Variants in ADARB2 observed in about 807,000 individuals in gnomAD.
ADARB2 encodes the protein adenosine deaminase RNA specific B2 (inactive).
In ADARB2, 25 loss-of-function variants were observed where a neutral mutation model predicts 62.2. The ratio of observed to expected loss-of-function variants is 0.40; its 90% CI spans 0.29 to 0.56. ADARB2 has a LOEUF of 0.56. ADARB2 is among the 20% of genes least tolerant of loss of function. ADARB2 has a pLI of 0.43. For missense variants in ADARB2, 1,071 were observed against 1,077.4 expected (o/e 0.99, Z 0.08); for synonymous variants, 572 against 500.8 (o/e 1.14, Z -1.90).
chr10:1,230,447 C>T (rs936027282), intron 6 of ADARB2, among the ~76,000 whole-genome samples: 1 of 152,202 alleles, frequency 6.6e-6, no homozygotes, highest in Non-Finnish European at 1.5e-5. Context: ...ACAGCAAAAG[C>T]CTGGCCACTG....
At chr10:1,493,825 C>A (rs1056139360) in intron 1 of ADARB2, among the ~76,000 whole-genome samples, 19 of 138,152 alleles carry the variant, frequency 1.4e-4, no homozygotes, top group African/African-American at 5.1e-4. Context: ...ATGGCACGAT[C>A]TCAGCTCACT....
At chr10:1,420,363 C>T (rs1322397344) in intron 1 of ADARB2, among the ~76,000 whole-genome samples, 1 of 152,172 alleles carries the variant, frequency 6.6e-6, no homozygotes, top group East Asian at 1.9e-4. Context: ...CAGGCCAGCG[C>T]AGCCACGGAA....
At chr10:1,639,959 G>A (rs1833961075) in intron 1 of ADARB2, among the ~76,000 whole-genome samples, 1 of 152,194 alleles carries the variant, frequency 6.6e-6, no homozygotes, top group Non-Finnish European at 1.5e-5. Context: ...AGGCACAGTG[G>A]TTCTTTGTGG....
intron 3 of ADARB2, among the ~76,000 whole-genome samples, chr10:1,342,411 A>G (rs1832038235): frequency 1.3e-5 from 2 of 152,156 alleles, no homozygotes; most frequent in Non-Finnish European, 2.9e-5. Flanking sequence ...CTCACATTAA[A>G]CATTACAGCA....
intron 1 of ADARB2, among the ~76,000 whole-genome samples, chr10:1,519,609 C>T (rs1017183213): frequency 5.3e-5 from 8 of 152,114 alleles, no homozygotes; most frequent in African/African-American, 1.9e-4. Context: ...GTGTGGTGCT[C>T]TCTGTCAGCC....
At chr10:1,564,232 C>T (rs1288535938) in intron 1 of ADARB2, among the ~76,000 whole-genome samples, 3 of 152,170 alleles carry the variant, frequency 2.0e-5, no homozygotes, top group Non-Finnish European at 4.4e-5. Flanking sequence ...GTTGAACTAG[C>T]TTACAGTCCC....
chr10:1,490,811 G>A (rs927270803), intron 1 of ADARB2, among the ~76,000 whole-genome samples: 1 of 152,132 alleles, frequency 6.6e-6, no homozygotes, highest in Non-Finnish European at 1.5e-5. Flanking sequence ...ATATACACAT[G>A]AAAGTAAGAA....
At chr10:1,204,211 C>T (rs1255927734) in intron 7 of ADARB2, among the ~76,000 whole-genome samples, 1 of 152,148 alleles carries the variant, frequency 6.6e-6, no homozygotes, top group Non-Finnish European at 1.5e-5. Context: ...GGCCCCACCC[C>T]ATTTCCAGGC....
intron 1 of ADARB2, among the ~76,000 whole-genome samples, chr10:1,434,070 A>G (rs1282874188): frequency 6.6e-6 from 1 of 152,232 alleles, no homozygotes; most frequent in Non-Finnish European, 1.5e-5. Context: ...GAAAACAACT[A>G]TATTTTCAAG....
intron 1 of ADARB2, among the ~76,000 whole-genome samples, chr10:1,470,292 C>T (rs532550148): frequency 1.3e-5 from 2 of 152,320 alleles, no homozygotes; most frequent in East Asian, 3.9e-4. Context: ...TGTACTTTAT[C>T]AAAATGTGTA....
intron 1 of ADARB2, among the ~76,000 whole-genome samples, chr10:1,461,205 T>C (rs1314807610): frequency 2.6e-5 from 4 of 152,222 alleles, no homozygotes; most frequent in Non-Finnish European, 5.9e-5. Context: ...AATGACATCA[T>C]GACAAACGCC....
At chr10:1,598,356 C>T (rs1314874016) in intron 1 of ADARB2, among the ~76,000 whole-genome samples, 1 of 152,150 alleles carries the variant, frequency 6.6e-6, no homozygotes, top group Non-Finnish European at 1.5e-5. Context: ...GTGCACTAAA[C>T]CCAGACTCCA....
intron 1 of ADARB2, among the ~76,000 whole-genome samples, chr10:1,479,062 C>T (rs1287904603): frequency 1.3e-5 from 2 of 152,198 alleles, no homozygotes; most frequent in Non-Finnish European, 2.9e-5. Context: ...CTGCAGCTGT[C>T]TTGGGCAGGG....
At chr10:1,399,717 T>A (rs1378539755) in intron 1 of ADARB2, among the ~76,000 whole-genome samples, 2 of 152,172 alleles carry the variant, frequency 1.3e-5, no homozygotes, top group African/African-American at 4.8e-5. Context: ...ATTTGAAGGA[T>A]GTACCAGCTT....
intron 9 of ADARB2, among the ~76,000 whole-genome samples, chr10:1,184,048 G>A (rs552443073): frequency 5.3e-5 from 8 of 152,324 alleles, no homozygotes; most frequent in South Asian, 2.1e-4. Context: ...GCCCTTGAGC[G>A]GACAGGACAG....
chr10:1,249,046 CAGTT>C (rs1831012762), intron 4 of ADARB2, among the ~76,000 whole-genome samples: 1 of 152,202 alleles, frequency 6.6e-6, no homozygotes, highest in South Asian at 2.1e-4. Flanking sequence ...AGAGGACCCT[CAGTT>C]AGACAAAATA....
intron 3 of ADARB2, among the ~76,000 whole-genome samples, chr10:1,330,757 A>T (rs1326723000): frequency 2.6e-5 from 4 of 152,370 alleles, no homozygotes; most frequent in Non-Finnish European, 5.9e-5. Context: ...ATTGGGCTTC[A>T]TCAGAATAAA....
chr10:1,620,979 A>G (rs2049437307), intron 1 of ADARB2, among the ~76,000 whole-genome samples: 1 of 152,228 alleles, frequency 6.6e-6, no homozygotes, highest in Non-Finnish European at 1.5e-5. Flanking sequence ...AAGGGCATAT[A>G]TGAATCACTC....
intron 1 of ADARB2, among the ~76,000 whole-genome samples, chr10:1,680,236 A>G (rs1834519457): frequency 6.6e-6 from 1 of 151,998 alleles, no homozygotes; most frequent in African/African-American, 2.4e-5. Context: ...TTCCTGTGTA[A>G]TCCACCACTC....
Sources: allele counts gnomAD v4.1 joint callset (sites outside exome capture counted in the v4.1 genomes callset), GRCh38; gene constraint gnomAD v4.1.1; transcripts MANE v1.5; gene names NCBI Gene and HGNC (gene_info 2026-07-23, HGNC 2026-07-21).